Variants in ERC2 observed in about 807,000 individuals in gnomAD.
ERC2 encodes ERC protein 2.
ERC2 carries 42 observed loss-of-function variants against 114.8 expected under a neutral mutation model. That is an observed-to-expected ratio of 0.37 (90% CI 0.29 to 0.47). ERC2 has a LOEUF of 0.47. ERC2 is among the 20% of genes least tolerant of loss of function. The pLI is 0.99. For synonymous variants in ERC2, 454 were observed against 425.5 expected (o/e 1.07, Z -0.82); for missense variants, 939 against 1,150.7 (o/e 0.82, Z 2.66).
At chr3:56,090,644 A>G (rs1201312059) in intron 6 of ERC2, among the ~76,000 whole-genome samples, 3 of 152,092 alleles carry the variant, frequency 2.0e-5, no homozygotes, top group Non-Finnish European at 4.4e-5. Context: ...TATTATGAAT[A>G]CATGATATAT....
chr3:56,314,986 T>A (rs937232013), intron 2 of ERC2, among the ~76,000 whole-genome samples: 1 of 152,198 alleles, frequency 6.6e-6, no homozygotes, highest in Non-Finnish European at 1.5e-5. Flanking sequence ...GTGCAACAGC[T>A]GCCACGAGCC....
intron 14 of ERC2, among the ~76,000 whole-genome samples, chr3:55,843,783 TC>T (rs2061236042): frequency 6.6e-6 from 1 of 152,170 alleles, no homozygotes; most frequent in African/African-American, 2.4e-5. Context: ...TTGCAAAGGC[TC>T]CAGTTGTTAC....
At chr3:56,405,067 C>T (rs897385001) in intron 2 of ERC2, among the ~76,000 whole-genome samples, 2 of 151,860 alleles carry the variant, frequency 1.3e-5, no homozygotes, top group Non-Finnish European at 2.9e-5. Context: ...TGACTTTGGC[C>T]AAAGTAAAGG....
chr3:56,005,037 A>G (rs938111438), intron 10 of ERC2, among the ~76,000 whole-genome samples: 2 of 152,002 alleles, frequency 1.3e-5, no homozygotes, highest in Non-Finnish European at 2.9e-5. Flanking sequence ...AAGACTACTG[A>G]AAAAATATTT....
rs71099637 is a variant in ERC2 at position 56,446,629 on chromosome 3, C to CTTTTT, written c.-140-11487_-140-11483dup. On this transcript the variant is annotated intron_variant, in intron 1 of 17. Transcript: ENST00000288221. ...TTTTCTTCTTTTTTTTTTTTTCTTT[C>CTTTTT]TTTTTTTTTTTTTTGAGACGGGGTC... is the stretch of plus-strand genomic sequence containing the variant. Among the ~76,000 whole-genome samples the CTTTTT allele has an allele frequency of 8.9e-4, 117 of 132,042 alleles. 1 individual carries two copies. The highest frequency in any genetic ancestry group is 3.1e-3 in the African/African-American group (108 of 34,868). 86.6% of individuals were successfully genotyped at this position (132,042 alleles called of 152,430 possible).
At chr3:55,946,975 G>A (rs532978268) in intron 13 of ERC2, among the ~76,000 whole-genome samples, 3 of 152,276 alleles carry the variant, frequency 2.0e-5, no homozygotes, top group East Asian at 1.9e-4. Flanking sequence ...TTTACACAAT[G>A]TAGACCCACT....
At position 55,952,176 on chromosome 3, in the gene ERC2, C is replaced by CTATAT. The variant is rs1324752720; in HGVS notation, c.2268-1617_2268-1616insATATA. Among the ~76,000 whole-genome samples, 290 of 44,876 alleles carry CTATAT rather than the reference C, an allele frequency of 6.5e-3. 17 individuals are homozygous for CTATAT. Among genetic ancestry groups the CTATAT allele is most frequent in the South Asian group, 0.018 (24 of 1,354 alleles). The allele number at this position is 44,876 out of a possible 152,430, so 29.4% of individuals were successfully genotyped here. A position where few individuals can be genotyped will look rare whatever the true frequency, so the allele number is the denominator to read the frequency against. ...ACACACACACACACACACACACACA[C>CTATAT]ACACTCTCTCTCTCTCTCTCTCTAT... On this transcript the variant is annotated intron_variant, in intron 12 of 17. Transcript: ENST00000288221.
At chr3:56,078,441 C>T (rs139025271) in intron 7 of ERC2, among the ~76,000 whole-genome samples, 257 of 152,300 alleles carry the variant, frequency 1.7e-3, no homozygotes, top group Non-Finnish European at 2.8e-3. Flanking sequence ...GGAAGAGACT[C>T]ACTGGCTCTC....
At chr3:55,893,067 G>A (rs1033516146) in intron 13 of ERC2, among the ~76,000 whole-genome samples, 1 of 152,092 alleles carries the variant, frequency 6.6e-6, no homozygotes, top group East Asian at 1.9e-4. Flanking sequence ...TAGGGACACG[G>A]CAAGACGTCA....
At chr3:55,768,539 G>C (rs1320002724) in intron 14 of ERC2, among the ~76,000 whole-genome samples, 1 of 152,158 alleles carries the variant, frequency 6.6e-6, no homozygotes, top group Non-Finnish European at 1.5e-5. Flanking sequence ...AGGAATAAAG[G>C]GACAAAGAGT....
At chr3:55,864,158 C>T (rs554679759) in intron 14 of ERC2, among the ~76,000 whole-genome samples, 1 of 112,992 alleles carries the variant, frequency 8.9e-6, no homozygotes, top group African/African-American at 3.9e-5. Flanking sequence ...TATATATACA[C>T]ATATATATAC....
At chr3:56,008,691 A>G (rs2072688245) in intron 9 of ERC2, among the ~76,000 whole-genome samples, 1 of 152,304 alleles carries the variant, frequency 6.6e-6, no homozygotes, top group East Asian at 1.9e-4. Context: ...CATTTTGTAG[A>G]CATGACTAAA....
chr3:55,833,850 G>C (rs1384250058), intron 14 of ERC2, among the ~76,000 whole-genome samples: 1 of 152,184 alleles, frequency 6.6e-6, no homozygotes, highest in Non-Finnish European at 1.5e-5. Context: ...TCTGTCTGCT[G>C]TATTCAGGAA....
At chr3:56,091,306 G>A (rs2077774403) in intron 6 of ERC2, among the ~76,000 whole-genome samples, 1 of 152,046 alleles carries the variant, frequency 6.6e-6, no homozygotes. Flanking sequence ...ATGAAAGGAA[G>A]GAAGATATCA....
At chr3:55,625,614 G>A (rs191055685) in intron 17 of ERC2, among the ~76,000 whole-genome samples, 3 of 152,044 alleles carry the variant, frequency 2.0e-5, no homozygotes, top group Non-Finnish European at 4.4e-5. Context: ...AGCCGGGCGT[G>A]GTGGCGGGCG....
chr3:56,230,424 T>G (rs1236545482), intron 3 of ERC2, among the ~76,000 whole-genome samples: 4 of 151,430 alleles, frequency 2.6e-5, no homozygotes, highest in Admixed American at 6.6e-5. Context: ...AAATTGGGGG[T>G]TTTTTGTTTG....
intron 13 of ERC2, among the ~76,000 whole-genome samples, chr3:55,905,452 G>A (rs2064379605): frequency 2.0e-5 from 3 of 151,712 alleles, no homozygotes; most frequent in Non-Finnish European, 4.4e-5. Context: ...TCGTGTGTGT[G>A]TGCAGCATCC....
intron 3 of ERC2, among the ~76,000 whole-genome samples, chr3:56,243,171 C>A (rs1473268986): frequency 6.6e-6 from 1 of 152,216 alleles, no homozygotes; most frequent in Non-Finnish European, 1.5e-5. Flanking sequence ...AACAAAGAAG[C>A]TTTTACCACC....
At chr3:55,756,876 G>A (rs571028360) in intron 14 of ERC2, among the ~76,000 whole-genome samples, 101 of 152,092 alleles carry the variant, frequency 6.6e-4, no homozygotes, top group African/African-American at 2.2e-3. Flanking sequence ...GAAAGGAAAC[G>A]TACATGCTTT....
Sources: allele counts gnomAD v4.1 joint callset (sites outside exome capture counted in the v4.1 genomes callset), GRCh38; gene constraint gnomAD v4.1.1; transcripts MANE v1.5; gene names NCBI Gene and HGNC (gene_info 2026-07-23, HGNC 2026-07-21).